Variants in ABAT observed in about 807,000 individuals in gnomAD.
ABAT encodes the protein 4-aminobutyrate aminotransferase.
ABAT carries 45 observed loss-of-function variants against 64.6 expected under a neutral mutation model. That is an observed-to-expected ratio of 0.70 (90% confidence interval 0.55 to 0.89). The LOEUF (loss-of-function observed/expected upper bound fraction) is 0.89. Among genes scored for constraint, ABAT ranks in the 40% least tolerant of loss-of-function variants. ABAT has a pLI of 0.00. For missense variants in ABAT, 633 were observed against 658.4 expected, an observed-to-expected ratio of 0.96 and a Z score of 0.42; for synonymous variants, 297 against 250.5, an observed-to-expected ratio of 1.19 and a Z score of -1.75.
intron 1 of ABAT, among the ~76,000 whole-genome samples, chr16:8,701,720 G>A (rs560349858): frequency 2.6e-5 from 4 of 152,342 alleles, no homozygotes; most frequent in South Asian, 4.1e-4. Flanking sequence ...TACCTGTTAC[G>A]CAGGAAGAGG....
At chr16:8,742,700 G>A (rs369863914) in intron 2 of ABAT, among the ~76,000 whole-genome samples, 2 of 151,870 alleles carry the variant, frequency 1.3e-5, no homozygotes. Context: ...CCCCTTCTCT[G>A]CCAAAAATGC....
intron 1 of ABAT, among the ~76,000 whole-genome samples, chr16:8,735,333 C>T (rs538514652): frequency 3.9e-5 from 6 of 152,096 alleles, no homozygotes; most frequent in African/African-American, 1.4e-4. Flanking sequence ...CTCACTGCAG[C>T]CTCAAATTCC....
intron 1 of ABAT, chr16:8,713,838 C>T (rs2058135503): frequency 2.2e-6 from 1 of 455,926 alleles, no homozygotes; most frequent in Non-Finnish European, 4.4e-6. Context: ...GAGCTGAGCT[C>T]GCCGCAGGAC....
At chr16:8,699,047 C>G (rs1243316405) in intron 1 of ABAT, among the ~76,000 whole-genome samples, 1 of 152,152 alleles carries the variant, frequency 6.6e-6, no homozygotes, top group Non-Finnish European at 1.5e-5. Flanking sequence ...GGGTATGTAC[C>G]TAGGGGTGGA....
chr16:8,710,719 A>AGGGAGAGG (rs1401739937), intron 1 of ABAT, among the ~76,000 whole-genome samples: 1 of 133,608 alleles, frequency 7.5e-6, no homozygotes, highest in East Asian at 2.3e-4. Flanking sequence ...AGAGAGAGAG[A>AGGGAGAGG]GAGAGAGAGA....
chr16:8,744,464 T>C (rs2142584820), intron 2 of ABAT, among the ~76,000 whole-genome samples: 1 of 151,106 alleles, frequency 6.6e-6, no homozygotes, highest in South Asian at 2.1e-4. Flanking sequence ...GCCTCCTGGG[T>C]TCAAGCGATT....
intron 1 of ABAT, among the ~76,000 whole-genome samples, chr16:8,719,307 C>T (rs997606812): frequency 6.6e-6 from 1 of 152,228 alleles, no homozygotes; most frequent in Admixed American, 6.5e-5. Context: ...CATTCTTTCA[C>T]TCCTCCTCCC....
intron 1 of ABAT, among the ~76,000 whole-genome samples, chr16:8,684,418 C>G (rs951067247): frequency 3.3e-5 from 5 of 152,054 alleles, no homozygotes; most frequent in African/African-American, 1.2e-4. Context: ...ACAAAAAATA[C>G]TAAAATTAGC....
At chr16:8,721,779 C>T (rs2058378652) in intron 1 of ABAT, among the ~76,000 whole-genome samples, 1 of 152,166 alleles carries the variant, frequency 6.6e-6, no homozygotes, top group African/African-American at 2.4e-5. Flanking sequence ...TGAACTCGGC[C>T]TCTTAGCTCA....
chr16:8,775,322 A>G (rs564730199), intron 13 of ABAT, among the ~76,000 whole-genome samples: 40 of 152,350 alleles, frequency 2.6e-4, no homozygotes, highest in African/African-American at 9.6e-4. Context: ...CAGCTGCCGC[A>G]GCAGACTGAG....
chr16:8,729,759 C>G (rs979213994), intron 1 of ABAT, among the ~76,000 whole-genome samples: 1 of 147,754 alleles, frequency 6.8e-6, no homozygotes, highest in Non-Finnish European at 1.5e-5. Context: ...CCCAGGAGTT[C>G]AAGGCTGCAG....
intron 1 of ABAT, among the ~76,000 whole-genome samples, chr16:8,695,903 G>C (rs2057690689): frequency 6.6e-6 from 1 of 152,176 alleles, no homozygotes; most frequent in African/African-American, 2.4e-5. Flanking sequence ...CAGAACCTTA[G>C]AACCTGGGAC....
chr16:8,754,774 A>T (rs2059604330), intron 5 of ABAT, among the ~76,000 whole-genome samples: 1 of 149,720 alleles, frequency 6.7e-6, no homozygotes, highest in Non-Finnish European at 1.5e-5. Context: ...GCTGGAGTGC[A>T]GTGGCACAAT....
At chr16:8,771,601 T>G (rs2060112669) in intron 11 of ABAT, among the ~76,000 whole-genome samples, 1 of 152,034 alleles carries the variant, frequency 6.6e-6, no homozygotes, top group Admixed American at 6.6e-5. Flanking sequence ...CTGGAGTAGC[T>G]GGGAGTACAG....
At chr16:8,737,174 C>T (rs1364157448) in intron 2 of ABAT, 1 of 152,176 alleles carries the variant, frequency 6.6e-6, no homozygotes, top group Non-Finnish European at 1.5e-5. Flanking sequence ...TATGAGTAGG[C>T]TTTATTTTAA....
chr16:8,678,948 T>G (rs2057266810), intron 1 of ABAT, among the ~76,000 whole-genome samples: 1 of 152,132 alleles, frequency 6.6e-6, no homozygotes, highest in Admixed American at 6.5e-5. Flanking sequence ...AGGACCTAGA[T>G]AGTATGTATG....
intron 8 of ABAT, chr16:8,765,671 C>T (rs1229787185): frequency 6.5e-6 from 1 of 153,094 alleles, no homozygotes; most frequent in Non-Finnish European, 1.4e-5. Context: ...GAGCAAGACC[C>T]TGTAAAAAAA....
At chr16:8,773,105 T>TAC (rs35248639) in intron 12 of ABAT, among the ~76,000 whole-genome samples, 188 bp downstream of exon 12, 4,179 of 108,962 alleles carry the variant, frequency 0.038, 120 homozygotes, top group East Asian at 0.17. Context: ...CCTAAAACTA[T>TAC]ACACACACAC....
intron 14 of ABAT, among the ~76,000 whole-genome samples, chr16:8,778,840 C>G (rs564558270): frequency 1.3e-5 from 2 of 151,612 alleles, no homozygotes; most frequent in Non-Finnish European, 2.9e-5. Context: ...TGCAGGAAGA[C>G]TTCATTTTAA....
Sources: allele counts gnomAD v4.1 joint callset (sites outside exome capture counted in the v4.1 genomes callset), GRCh38; gene constraint gnomAD v4.1.1; transcripts MANE v1.5; gene names NCBI Gene and HGNC (gene_info 2026-07-23, HGNC 2026-07-21).